Variants in DPYD observed in about 807,000 individuals in gnomAD.
DPYD encodes the protein dihydropyrimidine dehydrogenase [NADP(+)].
Under a neutral mutation model 116.2 loss-of-function variants are expected in DPYD, and 109 were observed. The observed-to-expected ratio is 0.94, with a 90% CI of 0.80 to 1.10. The LOEUF is 1.10. Ranked by LOEUF, DPYD falls within the 50% of genes least tolerant of loss-of-function variation. DPYD has a pLI of 0.00. For synonymous variants in DPYD, 440 were observed against 432.0 expected (o/e 1.02, Z -0.23); for missense variants, 1,302 against 1,254.5 (o/e 1.04, Z -0.57).
At chr1:97,454,704 G>A (rs182405419) in intron 13 of DPYD, among the ~76,000 whole-genome samples, 2 of 151,930 alleles carry the variant, frequency 1.3e-5, no homozygotes, top group Non-Finnish European at 3.0e-5. Flanking sequence ...GATTTAAATG[G>A]TAAGCGGACT....
intron 3 of DPYD, among the ~76,000 whole-genome samples, chr1:97,750,915 T>C (rs1035220573): frequency 2.6e-5 from 4 of 152,044 alleles, no homozygotes; most frequent in Admixed American, 2.0e-4. Flanking sequence ...AGGATGACCA[T>C]ATTTCTGAGT....
intron 10 of DPYD, among the ~76,000 whole-genome samples, chr1:97,585,116 A>C (rs1654006367): frequency 6.6e-6 from 1 of 152,106 alleles, no homozygotes; most frequent in Admixed American, 6.6e-5. Flanking sequence ...TATATTGGCT[A>C]ATTCAACATG....
intron 20 of DPYD, among the ~76,000 whole-genome samples, chr1:97,126,763 T>C (rs1030888406): frequency 2.0e-5 from 3 of 152,168 alleles, no homozygotes; most frequent in African/African-American, 4.8e-5. Flanking sequence ...AATGAACAGG[T>C]GAATGGTAGC....
intron 14 of DPYD, among the ~76,000 whole-genome samples, chr1:97,439,740 T>A (rs1443602571): frequency 6.6e-6 from 1 of 152,086 alleles, no homozygotes; most frequent in African/African-American, 2.4e-5. Flanking sequence ...CTTTATTATA[T>A]CATTTATTTT....
Position 97,784,451 on chromosome 1 carries a change from C to T in DPYD, c.233+43663G>A, listed in dbSNP as rs150149373. 6.8e-3 allele frequency among the ~76,000 whole-genome samples: 1,030 copies of T among 152,138 alleles called. 7 individuals are homozygous for T. Among genetic ancestry groups the T allele is most frequent in the Non-Finnish European group, 0.011 (777 of 67,982 alleles). On this transcript the variant is annotated intron_variant, in intron 3 of 22. Coordinates refer to ENST00000370192, the MANE Select transcript of DPYD (RefSeq NM_000110.4). Reference sequence around the variant, plus strand: ...AAAGAACAAGAGAACACACTTAAGTCTCTAAGTGTTTTAAACAAATGTAAA... The same window carrying T: ...AAAGAACAAGAGAACACACTTAAGTTTCTAAGTGTTTTAAACAAATGTAAA...
intron 21 of DPYD, among the ~76,000 whole-genome samples, chr1:97,086,330 G>A (rs1467083274): frequency 1.3e-5 from 2 of 148,706 alleles, no homozygotes; most frequent in African/African-American, 4.9e-5. Context: ...GATTACAGGC[G>A]TGAGCCACGG....
chr1:97,360,414 G>C (rs1040542567), intron 16 of DPYD, among the ~76,000 whole-genome samples: 1 of 152,130 alleles, frequency 6.6e-6, no homozygotes, highest in African/African-American at 2.4e-5. Context: ...AGGTTAACAA[G>C]GATATCCAGG....
intron 18 of DPYD, among the ~76,000 whole-genome samples, chr1:97,274,961 TA>T (rs746445809): frequency 6.6e-6 from 1 of 152,168 alleles, no homozygotes; most frequent in Non-Finnish European, 1.5e-5. Context: ...TAAGGGCTTC[TA>T]AAGTAGTTTG....
chr1:97,501,767 C>T (rs753443626), intron 13 of DPYD, among the ~76,000 whole-genome samples: 2 of 151,960 alleles, frequency 1.3e-5, no homozygotes, highest in African/African-American at 4.8e-5. Context: ...ATAAAAAGTG[C>T]TCTGGGGTAG....
At chr1:97,287,199 C>A (rs983575182) in intron 18 of DPYD, among the ~76,000 whole-genome samples, 1 of 152,128 alleles carries the variant, frequency 6.6e-6, no homozygotes, top group African/African-American at 2.4e-5. Flanking sequence ...CACTCCAGAC[C>A]CTGTTTGCCT....
chr1:97,205,606 T>C (rs1192833863), intron 19 of DPYD, among the ~76,000 whole-genome samples: 1 of 152,156 alleles, frequency 6.6e-6, no homozygotes, highest in African/African-American at 2.4e-5. Flanking sequence ...ATTTTAACAG[T>C]TAATAAAATA....
Position 97,393,874 on chromosome 1 carries a change from TC to T in DPYD, c.1906-11414del, listed in dbSNP as rs1208274788. Among the ~76,000 whole-genome samples the T allele has an allele frequency of 2.6e-5, 4 of 152,174 alleles. No homozygotes were observed. In the East Asian group the frequency reaches 7.7e-4, roughly 29 times the overall value. On this transcript the variant is annotated intron_variant, in intron 14 of 22. Transcript: ENST00000370192. ...TCCTTGAGGAACTGCCACACTGTCT[TC>T]CACAATGGTTGAATTAGTTTACAGT...
intron 19 of DPYD, among the ~76,000 whole-genome samples, chr1:97,228,040 ACTTAT>A (rs1421679221): frequency 2.6e-5 from 4 of 151,582 alleles, no homozygotes; most frequent in East Asian, 3.9e-4. Context: ...TTCCCACAGC[ACTTAT>A]CTTATGTTAA....
intron 5 of DPYD, chr1:97,720,991 A>G (rs764453323): frequency 1.9e-6 from 3 of 1,574,712 alleles, no homozygotes; most frequent in Admixed American, 1.9e-5. Context: ...TACCCAAATA[A>G]AAGACCTGCT....
chr1:97,449,959 A>G (rs1404192236), intron 14 of DPYD, 100 bp downstream of exon 14: 2 of 1,459,026 alleles, frequency 1.4e-6, no homozygotes, highest in African/African-American at 2.8e-5. Context: ...CTTTAATAAA[A>G]TATACACATT....
intron 18 of DPYD, among the ~76,000 whole-genome samples, chr1:97,256,798 TAA>T (rs1663506508): frequency 6.6e-6 from 1 of 152,068 alleles, no homozygotes; most frequent in African/African-American, 2.4e-5. Flanking sequence ...AGAACAAAAT[TAA>T]GTGTGGATTG....
At chr1:97,772,252 T>C (rs535479643) in intron 3 of DPYD, among the ~76,000 whole-genome samples, 1 of 152,278 alleles carries the variant, frequency 6.6e-6, no homozygotes, top group Non-Finnish European at 1.5e-5. Context: ...TCCTCCATAG[T>C]CTTAGGCACT....
chr1:97,852,023 C>CA (rs555567071), intron 2 of DPYD, among the ~76,000 whole-genome samples: 925 of 74,218 alleles, frequency 0.012, 11 homozygotes, highest in African/African-American at 0.034. Context: ...GTGCAATTTA[C>CA]AAAAAAAAAA....
intron 8 of DPYD, among the ~76,000 whole-genome samples, chr1:97,672,103 C>A (rs1013850283): frequency 6.6e-6 from 1 of 151,834 alleles, no homozygotes; most frequent in African/African-American, 2.4e-5. Flanking sequence ...GGAATCAGAA[C>A]AAGAAGATTC....
Sources: gnomAD v4.1 joint callset for allele counts (sites outside exome capture counted in the v4.1 genomes callset) on GRCh38, gnomAD v4.1.1 for gene constraint, MANE v1.5 for transcripts, NCBI Gene and HGNC (gene_info 2026-07-23, HGNC 2026-07-21) for gene names.